Variants in CELF4 observed in about 807,000 individuals in gnomAD.
CELF4 encodes the protein CUGBP Elav-like family member 4.
In CELF4, 18 loss-of-function variants were observed where a neutral mutation model predicts 59.9. The ratio of observed to expected loss-of-function variants is 0.30; its 90% CI spans 0.21 to 0.45. The LOEUF (loss-of-function observed/expected upper bound fraction) is 0.45, where lower values mean the gene tolerates loss of function less well. CELF4 is among the 20% of genes least tolerant of loss of function. CELF4 has a pLI of 1.00. For synonymous variants in CELF4, 261 were observed against 267.1 expected, an observed-to-expected ratio of 0.98 and a Z score of 0.22; for missense variants, 456 against 689.0, an observed-to-expected ratio of 0.66 and a Z score of 3.79.
chr18:37,346,173 T>G (rs917449629), intron 2 of CELF4, among the ~76,000 whole-genome samples: 2 of 152,172 alleles, frequency 1.3e-5, no homozygotes, highest in African/African-American at 4.8e-5. Context: ...TCAAGAACAG[T>G]GCCTGCCCCC....
At chr18:37,287,681 C>T (rs1390847280) in intron 3 of CELF4, among the ~76,000 whole-genome samples, 2 of 152,204 alleles carry the variant, frequency 1.3e-5, no homozygotes, top group Non-Finnish European at 2.9e-5. Context: ...CTCCTGGATT[C>T]CCTGCTGCCC....
At chr18:37,549,345 A>C (rs950572867) in intron 1 of CELF4, among the ~76,000 whole-genome samples, 1 of 152,192 alleles carries the variant, frequency 6.6e-6, no homozygotes, top group African/African-American at 2.4e-5. Context: ...TCACTTGTAC[A>C]TTTAACTTTG....
chr18:37,323,021 T>A (rs2097178144), intron 2 of CELF4, among the ~76,000 whole-genome samples: 1 of 152,040 alleles, frequency 6.6e-6, no homozygotes, highest in South Asian at 2.1e-4. Context: ...GCCAATTCCC[T>A]CCCGTACAGC....
intron 2 of CELF4, among the ~76,000 whole-genome samples, chr18:37,379,269 C>T (rs982298859): frequency 2.0e-5 from 3 of 152,140 alleles, no homozygotes; most frequent in Admixed American, 2.0e-4. Context: ...CTCTGTTTTT[C>T]CCCTTTGGCC....
chr18:37,270,879 G>C lies in CELF4; in HGVS notation c.988C>G (p.Pro330Ala), dbSNP rs1166510961. 5 of 1,613,362 alleles carry C rather than the reference G, an allele frequency of 3.1e-6. No individual in the cohort carries two copies. The highest frequency in any genetic ancestry group is 4.2e-6 in the Non-Finnish European group (5 of 1,179,866). ...ACCCCAATGGGGGATGGGATGCTAG[G>C]CACGGCTGGTGCAGTGATGCCCGGA... ...TPPGITAPAV[P>A]SIPSPIGVNG... is the part of the protein sequence containing the mutation. The change falls in exon 8 of 13, where the codon CCT becomes GCT. Residue 330 changes from proline (P) to alanine (A), a missense_variant. Coordinates refer to ENST00000420428, the MANE Select transcript of CELF4 (RefSeq NM_020180.4).
chr18:37,259,014 G>T (rs2072281488), intron 11 of CELF4, 167 bp downstream of exon 11: 1 of 976,632 alleles, frequency 1.0e-6, no homozygotes, highest in Non-Finnish European at 1.5e-6. Flanking sequence ...AGCAGCTGGG[G>T]CGGGGGCAAT....
intron 1 of CELF4, among the ~76,000 whole-genome samples, chr18:37,559,393 T>G (rs754355227): frequency 4.6e-5 from 7 of 152,156 alleles, no homozygotes; most frequent in Non-Finnish European, 8.8e-5. Context: ...TTTCACACCC[T>G]TTAGCTCTTC....
chr18:37,279,977 C>T (rs1196630879), intron 3 of CELF4, among the ~76,000 whole-genome samples: 2 of 152,194 alleles, frequency 1.3e-5, no homozygotes, highest in Non-Finnish European at 2.9e-5. Flanking sequence ...TCTGTGCCTG[C>T]AGGTGTGAGG....
chr18:37,555,184 T>G (rs1039630842), intron 1 of CELF4, among the ~76,000 whole-genome samples: 1 of 152,184 alleles, frequency 6.6e-6, no homozygotes, highest in Non-Finnish European at 1.5e-5. Context: ...GAGAGAGACC[T>G]CTTCACACAG....
rs140163329 is a variant in CELF4 at position 37,328,795 on chromosome 18, A to C, written c.370-6914T>G. 5.3e-3 allele frequency among the ~76,000 whole-genome samples: 810 copies of C among 152,220 alleles called. 7 individuals are homozygous for C. Among genetic ancestry groups the C allele is most frequent in the Non-Finnish European group, 7.5e-3 (511 of 68,002 alleles). On this transcript the variant is annotated intron_variant, in intron 2 of 12. Coordinates refer to ENST00000420428, the MANE Select transcript of CELF4 (RefSeq NM_020180.4). ...ACCCCAGCACACACGATGGTCATGGAAACAGTGAATCAGCAGACCCGCACG... is the reference window on the plus strand; with the variant it reads ...ACCCCAGCACACACGATGGTCATGGCAACAGTGAATCAGCAGACCCGCACG...
At position 37,253,988 on chromosome 18, in the gene CELF4, G is replaced by A; in HGVS notation, c.1334-50C>T. 1 of 1,526,792 alleles carries A rather than the reference G, an allele frequency of 6.5e-7. No homozygotes were observed. Among genetic ancestry groups the A allele is most frequent in the Non-Finnish European group, 8.8e-7 (1 of 1,133,698 alleles). 94.6% of individuals were successfully genotyped at this position (1,526,792 alleles called of 1,614,324 possible). A position where few individuals can be genotyped will look rare whatever the true frequency, so the allele number is the denominator to read the frequency against. On this transcript the variant is annotated intron_variant, in intron 11 of 12. Transcript: ENST00000420428. This position sits in a 1 kb window ranked among gnomAD's most constrained non-coding sequence, Gnocchi z 4.5. The stretch of plus-strand genomic sequence containing the variant: ...CCTGGGTTTCCACGGGGCCGCCCGG[G>A]GCGCTGCCGGCGGGGAGGGGTCGGG...
chr18:37,535,647 G>T (rs913939774), intron 1 of CELF4, among the ~76,000 whole-genome samples: 8 of 152,166 alleles, frequency 5.3e-5, no homozygotes, highest in African/African-American at 1.9e-4. Context: ...TATGTACTGT[G>T]AGCTCCGAAG....
intron 3 of CELF4, among the ~76,000 whole-genome samples, chr18:37,294,638 A>G (rs2095537233): frequency 1.3e-5 from 2 of 152,188 alleles, no homozygotes; most frequent in South Asian, 4.1e-4. Flanking sequence ...CAGCCTGCTA[A>G]TTTTTAGAAT....
chr18:37,524,062 C>G (rs744390), intron 1 of CELF4, among the ~76,000 whole-genome samples: 2,582 of 152,326 alleles, frequency 0.017, 84 homozygotes, highest in African/African-American at 0.059. Context: ...ACCCATGGAG[C>G]CTCCAAGGAG....
chr18:37,468,839 A>T (rs1240010512), intron 2 of CELF4, among the ~76,000 whole-genome samples: 1 of 152,110 alleles, frequency 6.6e-6, no homozygotes, highest in African/African-American at 2.4e-5. Context: ...GAACTCACTC[A>T]CTATCACGAG....
chr18:37,468,214 T>C (rs2154602436), intron 2 of CELF4, among the ~76,000 whole-genome samples: 1 of 152,302 alleles, frequency 6.6e-6, no homozygotes. Context: ...TTCAAATGCG[T>C]CTTTGGTTGC....
At chr18:37,328,806 C>G (rs1271119307) in intron 2 of CELF4, among the ~76,000 whole-genome samples, 3 of 152,174 alleles carry the variant, frequency 2.0e-5, no homozygotes, top group Non-Finnish European at 4.4e-5. Context: ...AACAGTGAAT[C>G]AGCAGACCCG....
chr18:37,486,048 T>A (rs910183845), intron 1 of CELF4: 1 of 154,002 alleles, frequency 6.5e-6, no homozygotes, highest in African/African-American at 2.4e-5. Flanking sequence ...TGGGCGCTGC[T>A]CCCTCAGGGA....
At chr18:37,443,672 A>G (rs1310592514) in intron 2 of CELF4, among the ~76,000 whole-genome samples, 3 of 152,030 alleles carry the variant, frequency 2.0e-5, no homozygotes, top group Non-Finnish European at 2.9e-5. Flanking sequence ...CTTCATTGGT[A>G]TGAAAGGGTG....
Sources: gnomAD v4.1 joint callset for allele counts (sites outside exome capture counted in the v4.1 genomes callset) on GRCh38, gnomAD v4.1.1 for gene constraint, Gnocchi (gnomAD v3.1) non-coding constraint, MANE v1.5 for transcripts, NCBI Gene and HGNC (gene_info 2026-07-23, HGNC 2026-07-21) for gene names.